Variants in DGKI observed in about 807,000 individuals in gnomAD.
The protein encoded by DGKI is DAG kinase iota.
DGKI carries 55 observed loss-of-function variants against 147.5 expected under a neutral mutation model. The ratio of observed to expected loss-of-function variants is 0.37; its 90% CI spans 0.30 to 0.47. DGKI has a LOEUF of 0.47. Ranked by LOEUF, DGKI falls within the 20% of genes least tolerant of loss-of-function variation. The probability of loss-of-function intolerance (pLI) is 1.00; values close to 1 mark genes in which losing one functional copy is unlikely to be tolerated. For synonymous variants in DGKI, 469 were observed against 477.1 expected (o/e 0.98, Z 0.22); for missense variants, 1,007 against 1,323.8 (o/e 0.76, Z 3.71).
intron 1 of DGKI, among the ~76,000 whole-genome samples, chr7:137,823,704 G>T (rs530601997): frequency 6.6e-6 from 1 of 152,174 alleles, no homozygotes; most frequent in African/African-American, 2.4e-5. Flanking sequence ...GGAGAAGAAC[G>T]GAAGCTATGT....
chr7:137,486,355 T>TA (rs1328188787), intron 22 of DGKI, among the ~76,000 whole-genome samples: 1 of 152,050 alleles, frequency 6.6e-6, no homozygotes, highest in Non-Finnish European at 1.5e-5. Context: ...GTGTTAATTT[T>TA]AAAAAAAGGT....
At chr7:137,678,445 A>T (rs1016645114) in intron 3 of DGKI, 112 bp downstream of exon 3, 2 of 981,938 alleles carry the variant, frequency 2.0e-6, no homozygotes, top group Non-Finnish European at 3.2e-6. Context: ...AAAGTTTTCC[A>T]TCTCACAAGG....
chr7:137,788,036 GAAATAAA>G (rs1196305218), intron 1 of DGKI, among the ~76,000 whole-genome samples: 1 of 151,840 alleles, frequency 6.6e-6, no homozygotes, highest in East Asian at 1.9e-4. Context: ...AAAACCTATT[GAAATAAA>G]AAATAAAAAA....
intron 1 of DGKI, among the ~76,000 whole-genome samples, chr7:137,717,609 T>A (rs1794419167): frequency 6.6e-6 from 1 of 152,194 alleles, no homozygotes; most frequent in Non-Finnish European, 1.5e-5. Context: ...CATACTCATA[T>A]AGAAATATTT....
At chr7:137,517,264 GAAAGAAAGAAAAGAA>G (rs1330519777) in intron 21 of DGKI, among the ~76,000 whole-genome samples, 358 of 99,664 alleles carry the variant, frequency 3.6e-3, no homozygotes, top group African/African-American at 0.016. Context: ...AAGAAAGAAA[GAAAGAAAGAAAAGAA>G]AAAGAAAGAA....
chr7:137,621,884 A>G (rs1585296323), intron 7 of DGKI, among the ~76,000 whole-genome samples: 1 of 152,190 alleles, frequency 6.6e-6, no homozygotes, highest in African/African-American at 2.4e-5. Context: ...GCTGCCCAGA[A>G]GGCTGCCCCA....
At chr7:137,699,283 G>T (rs1249482469) in intron 1 of DGKI, among the ~76,000 whole-genome samples, 1 of 152,314 alleles carries the variant, frequency 6.6e-6, no homozygotes, top group East Asian at 1.9e-4. Flanking sequence ...TCACCTTGGG[G>T]GTTAGGATTT....
At chr7:137,594,220 T>C (rs1237592646) in intron 12 of DGKI, among the ~76,000 whole-genome samples, 2 of 152,160 alleles carry the variant, frequency 1.3e-5, no homozygotes, top group African/African-American at 4.8e-5. Flanking sequence ...CTAATTTTTA[T>C]ATTTTTAATA....
At position 137,407,968 on chromosome 7, in the gene DGKI, T is replaced by C. The variant is rs112516369; in HGVS notation, c.2827A>G (p.Ser943Gly). 6.2e-7 allele frequency: 1 copy of C among 1,608,338 alleles called. No individual in the cohort carries two copies. Among genetic ancestry groups the C allele is most frequent in the Non-Finnish European group, 8.5e-7 (1 of 1,178,918 alleles). The change falls in exon 30 of 33, where the codon AGT (serine) becomes GGT (glycine). Residue 943 changes from serine (S) to glycine (G), a missense_variant. Ser to Gly is a moderately conservative substitution (Grantham distance 56). Coordinates refer to ENST00000614521, the MANE Select transcript of DGKI (RefSeq NM_001321708.2). ...TGGTCTGGTCCCTGAATTAGCAGACTGCCTCCATTTTTATAGCTTTCTATT... is the reference window on the plus strand; with the variant it reads ...TGGTCTGGTCCCTGAATTAGCAGACCGCCTCCATTTTTATAGCTTTCTATT... The part of the protein sequence containing the change: ...KLIESYKNGG[S>G]LLIQGPDHCS...
At chr7:137,741,241 T>A (rs1795164916) in intron 1 of DGKI, among the ~76,000 whole-genome samples, 2 of 152,070 alleles carry the variant, frequency 1.3e-5, no homozygotes, top group South Asian at 2.1e-4. Context: ...TAGTAAAAGA[T>A]AATAAGAGTG....
chr7:137,573,330 T>C (rs1442721656), intron 17 of DGKI, among the ~76,000 whole-genome samples: 1 of 152,230 alleles, frequency 6.6e-6, no homozygotes, highest in Non-Finnish European at 1.5e-5. Context: ...GTCAAATATT[T>C]TGAAGACTTT....
chr7:137,782,303 G>A (rs1438885298), intron 1 of DGKI, among the ~76,000 whole-genome samples: 1 of 152,086 alleles, frequency 6.6e-6, no homozygotes, highest in African/African-American at 2.4e-5. Flanking sequence ...TGTGGACGAT[G>A]GGTGAGGCCT....
chr7:137,667,823 C>A (rs542511851), intron 3 of DGKI, among the ~76,000 whole-genome samples: 2 of 152,174 alleles, frequency 1.3e-5, no homozygotes, highest in Non-Finnish European at 2.9e-5. Context: ...CAACACTGTA[C>A]CTCCAGTTGG....
chr7:137,684,306 T>C (rs1224371379), intron 2 of DGKI, among the ~76,000 whole-genome samples: 1 of 152,266 alleles, frequency 6.6e-6, no homozygotes, highest in Non-Finnish European at 1.5e-5. Context: ...GAGAAAAGAA[T>C]GTAAAACATC....
chr7:137,609,246 G>A (rs1820283759), intron 9 of DGKI, among the ~76,000 whole-genome samples, 182 bp from the exon 10 acceptor site: 1 of 152,048 alleles, frequency 6.6e-6, no homozygotes, highest in Non-Finnish European at 1.5e-5. Context: ...AGAGAATTAA[G>A]CCAGGCTTTT....
At chr7:137,745,696 T>C (rs1795304036) in intron 1 of DGKI, among the ~76,000 whole-genome samples, 1 of 152,140 alleles carries the variant, frequency 6.6e-6, no homozygotes. Context: ...AGAGTAGTGA[T>C]GGTGGCAACT....
At chr7:137,488,007 T>C (rs963946645) in intron 21 of DGKI, among the ~76,000 whole-genome samples, 4 of 152,176 alleles carry the variant, frequency 2.6e-5, no homozygotes, top group Non-Finnish European at 5.9e-5. Flanking sequence ...GGGAGGCTGC[T>C]CATGGACAGT....
chr7:137,454,608 C>A (rs1173616235), intron 27 of DGKI: 1 of 152,076 alleles, frequency 6.6e-6, no homozygotes, highest in Non-Finnish European at 1.5e-5. Flanking sequence ...ATAATTAAAC[C>A]CAGCACAGTT....
chr7:137,528,334 G>C (rs923448100), intron 20 of DGKI, among the ~76,000 whole-genome samples: 1 of 152,150 alleles, frequency 6.6e-6, no homozygotes, highest in Non-Finnish European at 1.5e-5. Flanking sequence ...CATCAAAAAA[G>C]TAAGTAAACC....
Sources: allele counts gnomAD v4.1 joint callset (sites outside exome capture counted in the v4.1 genomes callset), GRCh38; gene constraint gnomAD v4.1.1; transcripts MANE v1.5; gene names NCBI Gene and HGNC (gene_info 2026-07-23, HGNC 2026-07-21).